Variants in KYAT1 observed in about 807,000 individuals in gnomAD.
KYAT1 encodes kynurenine--oxoglutarate transaminase 1.
KYAT1 carries 47 observed loss-of-function variants against 52.4 expected under a neutral mutation model. The observed-to-expected ratio is 0.90, with a 90% confidence interval of 0.71 to 1.14. KYAT1 has a LOEUF of 1.14. KYAT1 is among the 50% of genes most tolerant of loss of function. The pLI is 0.00. For synonymous variants in KYAT1, 212 were observed against 209.6 expected (o/e 1.01, Z -0.10); for missense variants, 480 against 557.9 (o/e 0.86, Z 1.41).
chr9:128,857,236 T>C (rs922367757), intron 1 of KYAT1, among the ~76,000 whole-genome samples: 4 of 152,142 alleles, frequency 2.6e-5, no homozygotes, highest in African/African-American at 7.2e-5. Flanking sequence ...ATCACCCTGC[T>C]CTCCTACTGC....
At chr9:128,876,499 G>A (rs1838051165) in intron 1 of KYAT1, among the ~76,000 whole-genome samples, 1 of 144,824 alleles carries the variant, frequency 6.9e-6, no homozygotes, top group South Asian at 2.2e-4. Context: ...CTAACTGGAA[G>A]CTCCACCTCC....
intron 1 of KYAT1, among the ~76,000 whole-genome samples, chr9:128,868,324 C>T (rs1836703988): frequency 6.6e-6 from 1 of 151,976 alleles, no homozygotes; most frequent in South Asian, 2.1e-4. Flanking sequence ...CCCACCTCGG[C>T]CTCCCAAAGT....
intron 11 of KYAT1, 184 bp downstream of exon 11, chr9:128,835,138 CA>C (rs532952934): frequency 0.19 from 78,935 of 421,154 alleles, no homozygotes; most frequent in South Asian, 0.3. Context: ...CCATCTCAAC[CA>C]AAAAAAAAAA....
At chr9:128,852,772 G>A (rs1362602378) in intron 1 of KYAT1, among the ~76,000 whole-genome samples, 4 of 152,082 alleles carry the variant, frequency 2.6e-5, no homozygotes, top group Non-Finnish European at 5.9e-5. Context: ...AATTGGATTC[G>A]GCCAACTCTA....
chr9:128,862,383 C>A (rs1485678280), intron 1 of KYAT1, among the ~76,000 whole-genome samples: 3 of 152,254 alleles, frequency 2.0e-5, no homozygotes, highest in Admixed American at 6.5e-5. Flanking sequence ...ATCCTTTCAA[C>A]AACTCTGTAA....
At chr9:128,876,087 C>T (rs1030168071) in intron 1 of KYAT1, among the ~76,000 whole-genome samples, 5 of 152,110 alleles carry the variant, frequency 3.3e-5, no homozygotes, top group Admixed American at 3.3e-4. Flanking sequence ...GGCTTGGCAG[C>T]CTCCACCTTC....
Position 128,842,681 on chromosome 9 carries a change from G to A in KYAT1, c.174C>T (p.Phe58=), listed in dbSNP as rs770666237. The change falls in exon 3 of 13, where the codon TTC becomes TTT. Residue 58 remains phenylalanine (F), a synonymous_variant. Coordinates refer to ENST00000302586, the MANE Select transcript of KYAT1 (RefSeq NM_004059.5). ...ATGTCTTGGTGTACTGGTTAAGCATGAAGTCTCCACTGACAGCGTGCTGAA... is the reference window on the plus strand; with the variant it reads ...ATGTCTTGGTGTACTGGTTAAGCATAAAGTCTCCACTGACAGCGTGCTGAA... ...EAFQHAVSGD[F]MLNQYTKTFG... 1.2e-6 allele frequency: 2 copies of A among 1,614,042 alleles called. No individual in the cohort carries two copies. The highest frequency in any genetic ancestry group is 1.3e-5 in the African/African-American group (1 of 74,944).
intron 11 of KYAT1, 167 bp downstream of exon 11, chr9:128,835,156 A>T (rs1220945343): frequency 6.0e-6 from 4 of 662,110 alleles, no homozygotes; most frequent in Non-Finnish European, 1.1e-5. Flanking sequence ...AAAAAGAAAG[A>T]AAAAAAGAAA....
At chr9:128,838,015 C>T in intron 5 of KYAT1, 36 bp downstream of exon 5, 1 of 1,601,852 alleles carries the variant, frequency 6.2e-7, no homozygotes, top group Non-Finnish European at 8.6e-7. Context: ...CGCCTTGGAT[C>T]CCTCTGCCCA....
At chr9:128,842,450 G>A (rs1832362920) in intron 3 of KYAT1, among the ~76,000 whole-genome samples, 1 of 152,110 alleles carries the variant, frequency 6.6e-6, no homozygotes, top group African/African-American at 2.4e-5. Flanking sequence ...ACTGCCTGTC[G>A]TTACTGGCTT....
intron 1 of KYAT1, among the ~76,000 whole-genome samples, chr9:128,857,343 T>A (rs534402500): frequency 6.6e-6 from 1 of 152,290 alleles, no homozygotes; most frequent in Non-Finnish European, 1.5e-5. Flanking sequence ...TGCTTGCCAG[T>A]CTCCTGGGCC....
chr9:128,838,403 C>G, intron 3 of KYAT1, 36 bp from the exon 4 acceptor site: 1 of 1,613,116 alleles, frequency 6.2e-7, no homozygotes, highest in Non-Finnish European at 8.5e-7. Context: ...TCCAGCTCAG[C>G]CTGGGCCCAT....
intron 1 of KYAT1, among the ~76,000 whole-genome samples, chr9:128,862,481 T>G (rs1358517449): frequency 6.6e-6 from 1 of 152,206 alleles, no homozygotes; most frequent in African/African-American, 2.4e-5. Context: ...CCTGCAGGCC[T>G]TATAGCAGAT....
intron 1 of KYAT1, among the ~76,000 whole-genome samples, chr9:128,857,993 T>C (rs1352009350): frequency 1.3e-5 from 2 of 152,046 alleles, no homozygotes; most frequent in Admixed American, 1.3e-4. Context: ...CTCATCAAAA[T>C]TAAGAACTTT....
rs570050081 is a variant in KYAT1, at chr9:128,838,783, G to A, written c.202-416C>T. 9.9e-5 allele frequency among the ~76,000 whole-genome samples: 15 copies of A among 152,276 alleles called. 1 individual carries two copies. Among genetic ancestry groups the A allele is most frequent in the Admixed American group, 6.5e-4 (10 of 15,290 alleles). On this transcript the variant is annotated intron_variant, in intron 3 of 12. Coordinates refer to ENST00000302586, the MANE Select transcript of KYAT1 (RefSeq NM_004059.5). ...TGTGCCAGGCCCGAAGCCCAGGGCG[G>A]GGATTTAGCAGAGAACCAGAGGAAG... is the stretch of plus-strand genomic sequence containing the variant.
chr9:128,865,308 C>CATATAT (rs869044608), intron 1 of KYAT1, among the ~76,000 whole-genome samples: 6 of 36,948 alleles, frequency 1.6e-4, no homozygotes, highest in Admixed American at 3.2e-4. Context: ...GCAGAGCCTA[C>CATATAT]ATATATATAT....
At chr9:128,880,072 T>C (rs1231716999) in intron 1 of KYAT1, among the ~76,000 whole-genome samples, 2 of 152,204 alleles carry the variant, frequency 1.3e-5, no homozygotes, top group African/African-American at 4.8e-5. Context: ...AAATGAGACT[T>C]ATCTGCGTGT....
Position 128,847,910 on chromosome 9 carries a change from C to T in KYAT1, c.-6-2499G>A, listed in dbSNP as rs980293936. 9.3e-4 allele frequency among the ~76,000 whole-genome samples: 141 copies of T among 152,142 alleles called. 11 individuals are homozygous for T. The highest frequency in any genetic ancestry group is 4.4e-5 in the Non-Finnish European group (3 of 68,040). On this transcript the variant is annotated intron_variant, in intron 1 of 12. Transcript: ENST00000302586. ...CAAACATGTTCTGACTCTGGAAACACATACACCACCTGCAAATTATTCCTG... is the reference window on the plus strand; with the variant it reads ...CAAACATGTTCTGACTCTGGAAACATATACACCACCTGCAAATTATTCCTG...
chr9:128,849,909 G>GA (rs1833714017), intron 1 of KYAT1, among the ~76,000 whole-genome samples: 1 of 115,798 alleles, frequency 8.6e-6, no homozygotes, highest in African/African-American at 3.1e-5. Context: ...TTTTGAGATA[G>GA]GGTCTCACGT....
Sources: allele counts gnomAD v4.1 joint callset (sites outside exome capture counted in the v4.1 genomes callset), GRCh38; gene constraint gnomAD v4.1.1; transcripts MANE v1.5; gene names NCBI Gene and HGNC (gene_info 2026-07-23, HGNC 2026-07-21).